Variants in RNF6 observed in about 807,000 individuals in gnomAD.
RNF6 encodes E3 ubiquitin-protein ligase RNF6.
A neutral mutation model predicts 50.1 loss-of-function variants in RNF6; 21 were observed. The ratio of observed to expected loss-of-function variants is 0.42; its 90% CI spans 0.30 to 0.60. The LOEUF (loss-of-function observed/expected upper bound fraction) is 0.60, where lower values mean the gene tolerates loss of function less well. RNF6 is among the 20% of genes least tolerant of loss of function. RNF6 has a pLI of 0.20. For missense variants in RNF6, 698 were observed against 838.2 expected, an observed-to-expected ratio of 0.83 and a Z score of 2.07; for synonymous variants, 255 against 291.8, an observed-to-expected ratio of 0.87 and a Z score of 1.29.
rs756081392 is a variant in RNF6 at position 26,218,561 on chromosome 13, T to C, written c.239A>G (p.Lys80Arg). ...GTCAGGCTGAGATGCTAGTTGTTCC[T>C]TGACGCCATCTAACCGCTGTTGCAG... Reference protein sequence around the residue: ...EELQQRLDGVKEQLASQPDLR... With the variant: ...EELQQRLDGVREQLASQPDLR... Residue 80 changes from lysine to arginine, a missense_variant, in exon 4 of 5, where the codon AAG (lysine) becomes AGG (arginine). Lys to Arg is a conservative substitution (Grantham distance 26, BLOSUM62 2). Coordinates refer to ENST00000381588, the MANE Select transcript of RNF6 (RefSeq NM_005977.4). 1.2e-6 allele frequency: 2 copies of C among 1,614,006 alleles called. No homozygotes were observed. The highest frequency in any genetic ancestry group is 1.1e-5 in the South Asian group (1 of 91,086).
At chr13:26,146,881 G>A (rs1028122466) in intron 5 of RNF6, among the ~76,000 whole-genome samples, 7 of 152,142 alleles carry the variant, frequency 4.6e-5, no homozygotes, top group Non-Finnish European at 7.3e-5. Context: ...AATCATGGGG[G>A]CAGACATCCC....
intron 5 of RNF6, among the ~76,000 whole-genome samples, chr13:26,192,302 A>C (rs1349425594): frequency 6.6e-6 from 1 of 152,228 alleles, no homozygotes; most frequent in Non-Finnish European, 1.5e-5. Context: ...GAGTGGTAGT[A>C]GTGATGGTGG....
At chr13:26,180,563 G>A (rs1873186269) in intron 5 of RNF6, among the ~76,000 whole-genome samples, 1 of 152,200 alleles carries the variant, frequency 6.6e-6, no homozygotes, top group African/African-American at 2.4e-5. Context: ...GACTGGTTTA[G>A]CCATGAGTTA....
intron 5 of RNF6, among the ~76,000 whole-genome samples, chr13:26,177,907 T>C (rs1014409946): frequency 6.6e-6 from 1 of 152,210 alleles, no homozygotes; most frequent in African/African-American, 2.4e-5. Context: ...TACTGTCAAC[T>C]GGGTGCAGTG....
chr13:26,193,572 G>C (rs948082525), intron 5 of RNF6, among the ~76,000 whole-genome samples: 3 of 152,194 alleles, frequency 2.0e-5, no homozygotes, highest in South Asian at 2.1e-4. Flanking sequence ...CTGGGGGAGA[G>C]AGAAGTTGGA....
At chr13:26,222,901 C>T (rs1481549990), upstream of RNF6, among the ~76,000 whole-genome samples, 1 of 152,212 alleles carries the variant, frequency 6.6e-6, no homozygotes, top group Non-Finnish European at 1.5e-5. Flanking sequence ...GCATGAGGCA[C>T]CGCACCCCAC....
chr13:26,153,886 A>G (rs1018336717), intron 5 of RNF6, among the ~76,000 whole-genome samples: 1 of 152,206 alleles, frequency 6.6e-6, no homozygotes, highest in Non-Finnish European at 1.5e-5. Context: ...TTCAGCCCCA[A>G]AATGGAATTT....
At chr13:26,190,250 G>A (rs1868404649) in intron 5 of RNF6, among the ~76,000 whole-genome samples, 1 of 152,044 alleles carries the variant, frequency 6.6e-6, no homozygotes, top group African/African-American at 2.4e-5. Context: ...GAATAGATTG[G>A]GCCCGCCCTG....
chr13:26,160,932 G>C (rs114886374), intron 5 of RNF6, among the ~76,000 whole-genome samples: 3 of 152,004 alleles, frequency 2.0e-5, no homozygotes, highest in African/African-American at 7.3e-5. Context: ...AGAATGGATC[G>C]GGGCTGACTT....
chr13:26,205,794 G>A (rs1397696850), intron 5 of RNF6, among the ~76,000 whole-genome samples: 5 of 152,180 alleles, frequency 3.3e-5, no homozygotes, highest in Non-Finnish European at 4.4e-5. Context: ...CAGGAGGATC[G>A]CTTGAGTCCA....
intron 5 of RNF6, among the ~76,000 whole-genome samples, chr13:26,150,172 A>T (rs1022059767): frequency 2.6e-5 from 4 of 151,836 alleles, no homozygotes; most frequent in Admixed American, 2.0e-4. Context: ...GTGTTTAACC[A>T]TATTTTGTTA....
intron 5 of RNF6, among the ~76,000 whole-genome samples, chr13:26,148,158 C>T (rs369462359): frequency 1.1e-4 from 17 of 152,020 alleles, no homozygotes; most frequent in Non-Finnish European, 1.9e-4. Context: ...CAAGAGAGCA[C>T]GGAAGCACCA....
At chr13:26,221,092 T>C (rs1356185404) in intron 2 of RNF6, among the ~76,000 whole-genome samples, 156 bp downstream of exon 2, 1 of 152,228 alleles carries the variant, frequency 6.6e-6, no homozygotes, top group East Asian at 1.9e-4. Context: ...AGAGCATATT[T>C]CGTAGGTACA....
chr13:26,204,238 G>A (rs1869007911), intron 5 of RNF6, among the ~76,000 whole-genome samples: 1 of 152,126 alleles, frequency 6.6e-6, no homozygotes, highest in Non-Finnish European at 1.5e-5. Flanking sequence ...GCTCAGGCCT[G>A]TAATCCCAGC....
intron 5 of RNF6, among the ~76,000 whole-genome samples, chr13:26,185,737 A>G (rs948556676): frequency 3.9e-5 from 6 of 152,168 alleles, no homozygotes; most frequent in African/African-American, 1.4e-4. Context: ...AACGAGCGAA[A>G]CCCTGTCTCA....
rs753120786 is a variant in RNF6 at position 26,212,812 on chromosome 13, T to A, written c.*1012A>T. ...TTTATTGGTAGAAACAGATCTTCAA[T>A]GCATACTTTGTGTTTATATAAACTC... On this transcript the variant is annotated 3_prime_UTR_variant, in exon 5 of 5. Coordinates refer to ENST00000381588, the MANE Select transcript of RNF6 (RefSeq NM_005977.4). 1.3e-5 allele frequency: 2 copies of A among 152,274 alleles called. No homozygotes were observed. The highest frequency in any genetic ancestry group is 2.9e-5 in the Non-Finnish European group (2 of 67,960). 9.4% of individuals were successfully genotyped at this position (152,274 alleles called of 1,614,324 possible). A position where few individuals can be genotyped will look rare whatever the true frequency, so the allele number is the denominator to read the frequency against.
At chr13:26,164,597 T>C (rs1295134414) in intron 5 of RNF6, among the ~76,000 whole-genome samples, 4 of 152,214 alleles carry the variant, frequency 2.6e-5, no homozygotes, top group Non-Finnish European at 5.9e-5. Context: ...CTTTTATTCC[T>C]TTAAACATGT....
At chr13:26,201,749 C>T (rs1868905438) in intron 5 of RNF6, among the ~76,000 whole-genome samples, 1 of 152,140 alleles carries the variant, frequency 6.6e-6, no homozygotes, top group African/African-American at 2.4e-5. Context: ...AATGATTTTG[C>T]TCAAGAGTAG....
intron 5 of RNF6, among the ~76,000 whole-genome samples, chr13:26,182,318 C>CT (rs1873280844): frequency 6.6e-6 from 1 of 152,082 alleles, no homozygotes; most frequent in African/African-American, 2.4e-5. Context: ...AAGAATGTCC[C>CT]TTATTTAGGT....
Sources: gnomAD v4.1 joint callset for allele counts (sites outside exome capture counted in the v4.1 genomes callset) on GRCh38, gnomAD v4.1.1 for gene constraint, MANE v1.5 for transcripts, NCBI Gene and HGNC (gene_info 2026-07-23, HGNC 2026-07-21) for gene names.